PTPRT: variants seen among roughly 807,000 people sequenced by gnomAD.
PTPRT encodes the protein receptor-type tyrosine-protein phosphatase T.
A neutral mutation model predicts 176.8 loss-of-function variants in PTPRT; 56 were observed. The ratio of observed to expected loss-of-function variants is 0.32; its 90% CI spans 0.26 to 0.40. The LOEUF (loss-of-function observed/expected upper bound fraction) is 0.40. PTPRT is among the 10% of genes least tolerant of loss of function. PTPRT has a pLI of 1.00. For missense variants in PTPRT, 1,540 were observed against 1,908.2 expected (o/e 0.81, Z 3.60); for synonymous variants, 783 against 739.0 (o/e 1.06, Z -0.96).
At chr20:42,644,146 C>G (rs1472944256) in intron 7 of PTPRT, among the ~76,000 whole-genome samples, 2 of 152,112 alleles carry the variant, frequency 1.3e-5, no homozygotes, top group African/African-American at 2.4e-5. Context: ...TGCAACTGAG[C>G]CTTCAACAGG....
At chr20:43,050,207 C>T (rs766196509) in intron 1 of PTPRT, among the ~76,000 whole-genome samples, 1 of 152,212 alleles carries the variant, frequency 6.6e-6, no homozygotes, top group Admixed American at 6.5e-5. Flanking sequence ...TGCATTGACC[C>T]TGTTGGAAAA....
At chr20:42,814,731 A>C (rs1008850432) in intron 2 of PTPRT, among the ~76,000 whole-genome samples, 3 of 152,216 alleles carry the variant, frequency 2.0e-5, no homozygotes, top group Admixed American at 6.5e-5. Context: ...CATGTCATTC[A>C]TAAGAATTCT....
intron 1 of PTPRT, among the ~76,000 whole-genome samples, chr20:43,164,803 C>T (rs533571509): frequency 7.2e-4 from 110 of 152,316 alleles, no homozygotes; most frequent in African/African-American, 2.6e-3. Context: ...TTCATAGAAT[C>T]TTTGAGTACT....
Position 42,791,340 on chromosome 20 carries a change from C to G in PTPRT, c.341G>C (p.Arg114Thr), listed in dbSNP as rs2145548776. 6.2e-7 allele frequency: 1 copy of G among 1,614,214 alleles called. No individual in the cohort carries two copies. Reference sequence around the variant, plus strand: ...GACGTTCAAGGCCCCTGGGCTGGACCTGTCACGGCTGGAGAAGTAGTAATG... The same window carrying G: ...GACGTTCAAGGCCCCTGGGCTGGACGTGTCACGGCTGGAGAAGTAGTAATG... ...DFHYYFSSRD[R>T]SSPGALNVYV... Residue 114 changes from arginine to threonine, a missense_variant, in exon 3 of 31, where the codon AGG becomes ACG. Transcript: ENST00000373187.
At chr20:43,147,976 G>A (rs915194451) in intron 1 of PTPRT, among the ~76,000 whole-genome samples, 3 of 152,160 alleles carry the variant, frequency 2.0e-5, no homozygotes, top group African/African-American at 7.2e-5. Context: ...TAACTCTATA[G>A]CCATGATGAG....
intron 1 of PTPRT, among the ~76,000 whole-genome samples, chr20:42,988,755 T>C (rs752055027): frequency 7.2e-5 from 11 of 152,114 alleles, no homozygotes; most frequent in Admixed American, 6.5e-4. Flanking sequence ...GAGATGAACA[T>C]TGAGTCTTGG....
chr20:42,240,099 T>C (rs139604473), intron 14 of PTPRT, among the ~76,000 whole-genome samples: 3 of 152,306 alleles, frequency 2.0e-5, no homozygotes, highest in African/African-American at 7.2e-5. Context: ...TGCTTCCTTC[T>C]TCACCTTCAA....
chr20:42,962,159 A>G (rs1412661232), intron 1 of PTPRT, among the ~76,000 whole-genome samples: 1 of 152,224 alleles, frequency 6.6e-6, no homozygotes, highest in African/African-American at 2.4e-5. Flanking sequence ...TAATGTATCC[A>G]AAAGAAGAGT....
chr20:42,640,799 T>G (rs1352102826), intron 7 of PTPRT, among the ~76,000 whole-genome samples: 1 of 152,160 alleles, frequency 6.6e-6, no homozygotes, highest in Non-Finnish European at 1.5e-5. Flanking sequence ...GGGCTGCCTC[T>G]GTGTCAGTCA....
chr20:42,885,986 G>T, intron 1 of PTPRT, 54 bp from the exon 2 acceptor site: 2 of 1,477,608 alleles, frequency 1.4e-6, no homozygotes, highest in Non-Finnish European at 1.8e-6. Flanking sequence ...GGCTTGGTTC[G>T]TTACCTCTGT....
chr20:42,751,124 T>A (rs1162245028), intron 6 of PTPRT, among the ~76,000 whole-genome samples: 1 of 152,162 alleles, frequency 6.6e-6, no homozygotes, highest in Non-Finnish European at 1.5e-5. Flanking sequence ...CAGCCATGAA[T>A]ACGCCTGTTT....
At chr20:42,872,576 A>C (rs1396634078) in intron 2 of PTPRT, among the ~76,000 whole-genome samples, 2 of 152,236 alleles carry the variant, frequency 1.3e-5, no homozygotes, top group Admixed American at 1.3e-4. Flanking sequence ...GGTTAGGACC[A>C]CAGGAGTCTT....
intron 1 of PTPRT, among the ~76,000 whole-genome samples, chr20:42,954,617 T>C (rs1981502976): frequency 6.6e-6 from 1 of 152,160 alleles, no homozygotes; most frequent in African/African-American, 2.4e-5. Flanking sequence ...TGCTTTTTTT[T>C]TACCATTTGC....
chr20:42,974,774 T>G (rs1259268958), intron 1 of PTPRT, among the ~76,000 whole-genome samples: 1 of 152,236 alleles, frequency 6.6e-6, no homozygotes, highest in African/African-American at 2.4e-5. Context: ...TTCTTCCACT[T>G]ATCCCAATCC....
intron 1 of PTPRT, among the ~76,000 whole-genome samples, chr20:43,140,650 C>CT (rs2013976813): frequency 6.6e-6 from 1 of 152,104 alleles, no homozygotes; most frequent in South Asian, 2.1e-4. Context: ...ATCTGCTTTT[C>CT]TTTGAGTCTG....
chr20:42,776,722 C>CAT (rs1217195388), intron 4 of PTPRT, among the ~76,000 whole-genome samples: 1 of 147,066 alleles, frequency 6.8e-6, no homozygotes, highest in Non-Finnish European at 1.5e-5. Flanking sequence ...ATAAGCATAT[C>CAT]ATATAATTAT....
intron 9 of PTPRT, among the ~76,000 whole-genome samples, chr20:42,428,160 G>T (rs568632698): frequency 1.3e-3 from 196 of 152,300 alleles, no homozygotes; most frequent in Admixed American, 2.1e-3. Flanking sequence ...CCAACATTCA[G>T]ACTATGGCCA....
intron 2 of PTPRT, among the ~76,000 whole-genome samples, chr20:42,870,812 C>T (rs2078832330): frequency 6.6e-6 from 1 of 152,250 alleles, no homozygotes; most frequent in East Asian, 1.9e-4. Context: ...TACAAAGGTT[C>T]CAATTTTTCC....
chr20:42,806,514 C>T (rs1017268793), intron 2 of PTPRT, among the ~76,000 whole-genome samples: 4 of 149,144 alleles, frequency 2.7e-5, no homozygotes, highest in Admixed American at 1.3e-4. Context: ...CCAAACCTTA[C>T]AGGATCCTCA....
Sources: gnomAD v4.1 joint callset for allele counts (sites outside exome capture counted in the v4.1 genomes callset) on GRCh38, gnomAD v4.1.1 for gene constraint, MANE v1.5 for transcripts, NCBI Gene and HGNC (gene_info 2026-07-23, HGNC 2026-07-21) for gene names.